The following CTNNA2 variants were observed in gnomAD, a reference collection of about 807,000 sequenced individuals.
CTNNA2 encodes the protein catenin alpha-2.
A neutral mutation model predicts 101.0 loss-of-function variants in CTNNA2; 42 were observed. The observed-to-expected ratio is 0.42, with a 90% CI of 0.32 to 0.54. CTNNA2 has a LOEUF of 0.54. Among genes scored for constraint, CTNNA2 ranks in the 20% least tolerant of loss-of-function variants. The probability of loss-of-function intolerance (pLI) is 0.14; values close to 1 mark genes in which losing one functional copy is unlikely to be tolerated. For synonymous variants in CTNNA2, 450 were observed against 456.4 expected, an observed-to-expected ratio of 0.99 and a Z score of 0.18; for missense variants, 871 against 1,223.1, an observed-to-expected ratio of 0.71 and a Z score of 4.29.
At chr2:80,266,546 T>C (rs1558953836) in intron 7 of CTNNA2, among the ~76,000 whole-genome samples, 1 of 152,264 alleles carries the variant, frequency 6.6e-6, no homozygotes, top group Non-Finnish European at 1.5e-5. Flanking sequence ...ATACAATTTT[T>C]CTATGCCCTC....
chr2:79,857,918 C>A, intron 3 of CTNNA2, 95 bp from the exon 4 acceptor site: 2 of 1,317,430 alleles, frequency 1.5e-6, no homozygotes, highest in Non-Finnish European at 2.1e-6. Context: ...CAGAGTTTTG[C>A]AATAAAAACA....
chr2:80,227,051 G>T (rs538924017), intron 7 of CTNNA2, among the ~76,000 whole-genome samples: 4 of 152,316 alleles, frequency 2.6e-5, no homozygotes, highest in African/African-American at 9.6e-5. Flanking sequence ...GATTGCATGG[G>T]CACAGCTGTT....
At chr2:79,667,847 A>T (rs1682530562) in intron 2 of CTNNA2, among the ~76,000 whole-genome samples, 1 of 152,242 alleles carries the variant, frequency 6.6e-6, no homozygotes. Flanking sequence ...ACATCTATGA[A>T]AACTATAGAA....
intron 9 of CTNNA2, among the ~76,000 whole-genome samples, chr2:80,460,186 C>G (rs60145087): frequency 0.031 from 4,695 of 152,108 alleles, 245 homozygotes; most frequent in African/African-American, 0.11. Flanking sequence ...TGCCTTTGTG[C>G]ACAGGTCCTG....
At chr2:80,112,542 G>C (rs539716925) in intron 7 of CTNNA2, among the ~76,000 whole-genome samples, 6 of 152,090 alleles carry the variant, frequency 3.9e-5, no homozygotes, top group African/African-American at 1.4e-4. Flanking sequence ...ATATCTTCTA[G>C]ATGAGTAATC....
At chr2:80,530,968 G>T (rs567645868) in intron 9 of CTNNA2, among the ~76,000 whole-genome samples, 1 of 152,172 alleles carries the variant, frequency 6.6e-6, no homozygotes, top group Non-Finnish European at 1.5e-5. Flanking sequence ...AGAAGAGGTG[G>T]CACTAGAGCT....
At chr2:79,907,590 T>C (rs1685512271) in intron 6 of CTNNA2, among the ~76,000 whole-genome samples, 1 of 152,172 alleles carries the variant, frequency 6.6e-6, no homozygotes, top group Non-Finnish European at 1.5e-5. Context: ...CTCCACATGA[T>C]TTTTTGACGC....
intron 4 of CTNNA2, among the ~76,000 whole-genome samples, chr2:79,461,467 G>T (rs999085681): frequency 6.6e-6 from 1 of 152,132 alleles, no homozygotes; most frequent in African/African-American, 2.4e-5. Flanking sequence ...CATAGCACGA[G>T]GATTTTCATA....
At chr2:80,206,364 T>C (rs1483805547) in intron 7 of CTNNA2, among the ~76,000 whole-genome samples, 3 of 152,186 alleles carry the variant, frequency 2.0e-5, no homozygotes, top group African/African-American at 7.2e-5. Context: ...ACAGTGGGAT[T>C]AGAACAATTT....
At chr2:79,287,426 G>A (rs1226619742) in intron 2 of CTNNA2, among the ~76,000 whole-genome samples, 1 of 152,134 alleles carries the variant, frequency 6.6e-6, no homozygotes, top group Non-Finnish European at 1.5e-5. Context: ...TGTACAGATG[G>A]GTTTTTGGTG....
At chr2:79,306,636 A>G (rs1461796125) in intron 2 of CTNNA2, among the ~76,000 whole-genome samples, 1 of 152,200 alleles carries the variant, frequency 6.6e-6, no homozygotes, top group South Asian at 2.1e-4. Flanking sequence ...CCATTTATGC[A>G]TACCTCTGGG....
chr2:80,225,712 T>C (rs2149063935), intron 7 of CTNNA2, among the ~76,000 whole-genome samples: 1 of 152,304 alleles, frequency 6.6e-6, no homozygotes, highest in Admixed American at 6.5e-5. Context: ...GGATGATGAT[T>C]TTTTTTCCTG....
intron 3 of CTNNA2, chr2:79,312,823 C>T (rs1253156870): frequency 6.6e-6 from 1 of 152,180 alleles, no homozygotes; most frequent in Non-Finnish European, 1.5e-5. Context: ...ATGTTTTATC[C>T]TGATGGATTT....
chr2:80,627,223 C>T (rs1378504710), intron 18 of CTNNA2, among the ~76,000 whole-genome samples: 2 of 152,006 alleles, frequency 1.3e-5, no homozygotes, highest in Non-Finnish European at 2.9e-5. Flanking sequence ...ATCCTTTGGG[C>T]ATTTACCCAG....
At chr2:80,377,709 C>T (rs1427987303) in intron 7 of CTNNA2, among the ~76,000 whole-genome samples, 2 of 152,180 alleles carry the variant, frequency 1.3e-5, no homozygotes, top group Non-Finnish European at 2.9e-5. Flanking sequence ...GTCTTAGTGT[C>T]ATAAGCCTTC....
At chr2:79,815,659 A>T (rs564703411) in intron 3 of CTNNA2, among the ~76,000 whole-genome samples, 1 of 152,084 alleles carries the variant, frequency 6.6e-6, no homozygotes, top group Non-Finnish European at 1.5e-5. Flanking sequence ...TTTGGTGACA[A>T]TGGCCTTATA....
chr2:79,932,451 C>A (rs756528635), intron 7 of CTNNA2, among the ~76,000 whole-genome samples: 7 of 151,518 alleles, frequency 4.6e-5, no homozygotes, highest in Non-Finnish European at 8.8e-5. Context: ...ACCTCTCAGC[C>A]ACCTATGCTG....
intron 7 of CTNNA2, among the ~76,000 whole-genome samples, chr2:80,123,651 C>T (rs1442646507): frequency 2.6e-5 from 4 of 152,100 alleles, no homozygotes; most frequent in Non-Finnish European, 4.4e-5. Context: ...TATTCCCTTG[C>T]CCTGCTTTCC....
At chr2:80,438,276 A>G (rs1020366715) in intron 9 of CTNNA2, among the ~76,000 whole-genome samples, 6 of 152,114 alleles carry the variant, frequency 3.9e-5, no homozygotes, top group African/African-American at 1.4e-4. Context: ...GCCCATCCTC[A>G]TAGCTCCTTT....
Sources: allele counts gnomAD v4.1 joint callset (sites outside exome capture counted in the v4.1 genomes callset), GRCh38; gene constraint gnomAD v4.1.1; transcripts MANE v1.5; gene names NCBI Gene and HGNC (gene_info 2026-07-23, HGNC 2026-07-21).